TRIM2: variants seen among roughly 807,000 people sequenced by gnomAD.
TRIM2 encodes tripartite motif-containing protein 2.
Under a neutral mutation model 75.2 loss-of-function variants are expected in TRIM2, and 20 were observed. The observed-to-expected ratio is 0.27, with a 90% CI of 0.19 to 0.39. The LOEUF is 0.39. Among genes scored for constraint, TRIM2 ranks in the 10% least tolerant of loss-of-function variants. The pLI is 1.00. For missense variants in TRIM2, 660 were observed against 990.8 expected (o/e 0.67, Z 4.48); for synonymous variants, 373 against 388.3 (o/e 0.96, Z 0.46).
chr4:153,201,535 C>T (rs1734366200), upstream of TRIM2, among the ~76,000 whole-genome samples: 2 of 151,840 alleles, frequency 1.3e-5, no homozygotes, highest in African/African-American at 2.4e-5. Flanking sequence ...TTTTGAAGCA[C>T]AAAAGGTTTT....
intron 3 of TRIM2, among the ~76,000 whole-genome samples, chr4:153,289,046 T>A (rs1761288186): frequency 6.6e-6 from 1 of 152,130 alleles, no homozygotes; most frequent in South Asian, 2.1e-4. Flanking sequence ...AGAGTTAAAG[T>A]CAAGTAAGTC....
chr4:153,284,210 G>T (rs1326016408), intron 3 of TRIM2, among the ~76,000 whole-genome samples: 1 of 141,854 alleles, frequency 7.0e-6, no homozygotes, highest in African/African-American at 2.6e-5. Flanking sequence ...TTGTTTTTTG[G>T]TTTTTTTTTA....
intron 3 of TRIM2, among the ~76,000 whole-genome samples, chr4:153,276,926 G>A (rs1195525254): frequency 6.6e-6 from 1 of 152,150 alleles, no homozygotes; most frequent in African/African-American, 2.4e-5. Context: ...TCATATAGTA[G>A]GATCTTGATA....
At chr4:153,200,592 C>G (rs1383628541), upstream of TRIM2, among the ~76,000 whole-genome samples, 1 of 151,896 alleles carries the variant, frequency 6.6e-6, no homozygotes, top group African/African-American at 2.4e-5. Context: ...CTATGTTTAG[C>G]TTTTTGAAGA....
intron 1 of TRIM2, among the ~76,000 whole-genome samples, chr4:153,234,817 T>G (rs1354452690): frequency 6.6e-6 from 1 of 152,204 alleles, no homozygotes; most frequent in Admixed American, 6.5e-5. Context: ...AGCCTAGAAC[T>G]ATAACTCAGC....
chr4:153,244,253 T>C (rs536335511), intron 1 of TRIM2, among the ~76,000 whole-genome samples: 54 of 20,254 alleles, frequency 2.7e-3, no homozygotes, highest in Admixed American at 4.0e-3. Context: ...TTCCTCTTCT[T>C]TCCTCCTCCT....
At chr4:153,158,377 A>G (rs754938017) in intron 1 of TRIM2, among the ~76,000 whole-genome samples, 1 of 152,266 alleles carries the variant, frequency 6.6e-6, no homozygotes, top group African/African-American at 2.4e-5. Flanking sequence ...AAACAATTTC[A>G]TTGGAAATTT....
intron 1 of TRIM2, among the ~76,000 whole-genome samples, chr4:153,240,243 A>G (rs72727873): frequency 0.18 from 27,919 of 152,176 alleles, 3,188 homozygotes; most frequent in Non-Finnish European, 0.26. Context: ...ATCGCTGCCA[A>G]ACTGTGCATA....
intron 6 of TRIM2, chr4:153,308,128 A>T (rs1765436829): frequency 1.9e-6 from 2 of 1,051,260 alleles, no homozygotes; most frequent in Admixed American, 1.7e-5. Flanking sequence ...ACGCTGATCC[A>T]CTTGGGAACT....
rs548776480 is a variant in TRIM2, at chr4:153,298,548, C to T, written c.1510+2512C>T. On this transcript the variant is annotated intron_variant, in intron 6 of 11. Transcript: ENST00000338700. ...AACAGCCTCATTTTAATTTAATCACCCCTTCAAAGACCTAATCTCCAAATA... is the reference window on the plus strand; with the variant it reads ...AACAGCCTCATTTTAATTTAATCACTCCTTCAAAGACCTAATCTCCAAATA... Among the ~76,000 whole-genome samples the T allele has an allele frequency of 3.9e-5, 6 of 152,192 alleles. No homozygotes were observed. In the South Asian group the frequency reaches 8.3e-4, roughly 21 times the overall value.
upstream of TRIM2, among the ~76,000 whole-genome samples, chr4:153,201,413 A>G (rs1266966992): frequency 6.6e-6 from 1 of 152,066 alleles, no homozygotes; most frequent in Admixed American, 6.6e-5. Flanking sequence ...TTTATTGTTG[A>G]ATTGCAGGAG....
At chr4:153,207,394 C>A (rs1735779715) in intron 1 of TRIM2, among the ~76,000 whole-genome samples, 1 of 152,186 alleles carries the variant, frequency 6.6e-6, no homozygotes, top group Non-Finnish European at 1.5e-5. Flanking sequence ...TGGAGTCCAG[C>A]CTCACTTTCG....
At chr4:153,275,329 G>T (rs1757775543) in intron 2 of TRIM2, among the ~76,000 whole-genome samples, 1 of 152,220 alleles carries the variant, frequency 6.6e-6, no homozygotes, top group Admixed American at 6.5e-5. Flanking sequence ...GTGTGGCTCT[G>T]ACTCTGGGTG....
At chr4:153,263,000 C>A (rs1753958107) in intron 1 of TRIM2, among the ~76,000 whole-genome samples, 1 of 152,106 alleles carries the variant, frequency 6.6e-6, no homozygotes, top group Non-Finnish European at 1.5e-5. Context: ...CTAATGTTTA[C>A]CCTCTGGATG....
At chr4:153,280,534 G>A (rs1271623622) in intron 3 of TRIM2, among the ~76,000 whole-genome samples, 1 of 151,958 alleles carries the variant, frequency 6.6e-6, no homozygotes, top group Admixed American at 6.6e-5. Context: ...ACAGGAACAT[G>A]CTACCATGCC....
At chr4:153,230,458 C>T (rs1743323188) in intron 1 of TRIM2, among the ~76,000 whole-genome samples, 1 of 152,204 alleles carries the variant, frequency 6.6e-6, no homozygotes, top group Non-Finnish European at 1.5e-5. Context: ...GCTGGTATTA[C>T]AGGCATGAGC....
chr4:153,290,347 T>C (rs1191259975), intron 3 of TRIM2, among the ~76,000 whole-genome samples: 1 of 152,254 alleles, frequency 6.6e-6, no homozygotes, highest in East Asian at 1.9e-4. Context: ...TTTTAGATCG[T>C]TCTATTTCCT....
chr4:153,193,572 A>C (rs567790787), intron 1 of TRIM2, among the ~76,000 whole-genome samples: 1 of 152,214 alleles, frequency 6.6e-6, no homozygotes, highest in Non-Finnish European at 1.5e-5. Flanking sequence ...GTTCTAAATG[A>C]TTGACAACTA....
At chr4:153,327,611 A>G (rs1579773714) in intron 10 of TRIM2, among the ~76,000 whole-genome samples, 1 of 152,360 alleles carries the variant, frequency 6.6e-6, no homozygotes, top group Non-Finnish European at 1.5e-5. Context: ...CATCTGAATC[A>G]TCAAGATACA....
Sources: allele counts gnomAD v4.1 joint callset (sites outside exome capture counted in the v4.1 genomes callset), GRCh38; gene constraint gnomAD v4.1.1; transcripts MANE v1.5; gene names NCBI Gene and HGNC (gene_info 2026-07-23, HGNC 2026-07-21).